Variants in SEM1 observed in about 807,000 individuals in gnomAD.
SEM1 encodes 26S proteasome complex subunit SEM1.
Under a neutral mutation model 12.7 loss-of-function variants are expected in SEM1, and 3 were observed. The ratio of observed to expected loss-of-function variants is 0.24; its 90% CI spans 0.11 to 0.61. The LOEUF (loss-of-function observed/expected upper bound fraction) is 0.61. Ranked by LOEUF, SEM1 falls within the 20% of genes least tolerant of loss-of-function variation. The pLI, the probability that SEM1 is intolerant of heterozygous loss-of-function variation, is 0.88. For synonymous variants in SEM1, 30 were observed against 27.8 expected (o/e 1.08, Z -0.25); for missense variants, 59 against 81.3 (o/e 0.73, Z 1.06).
exon 4 of SEM1, chr7:96,482,718 C>T (rs1050229868): frequency 1.3e-5 from 2 of 152,244 alleles, no homozygotes; most frequent in South Asian, 2.1e-4. Context: ...GGAAGGATTA[C>T]GTTGTTTTCC....
chr7:96,538,948 G>C (rs1804870641), intron 2 of SEM1, among the ~76,000 whole-genome samples: 1 of 151,838 alleles, frequency 6.6e-6, no homozygotes, highest in Non-Finnish European at 1.5e-5. Context: ...TTTTCAATGT[G>C]AGAACCTGCT....
intron 1 of SEM1, among the ~76,000 whole-genome samples, chr7:96,706,848 G>C (rs1315073291): frequency 6.6e-6 from 1 of 152,114 alleles, no homozygotes; most frequent in Non-Finnish European, 1.5e-5. Flanking sequence ...TTGAAAGTAA[G>C]ATCTGTTATA....
chr7:96,680,588 T>C (rs367619766), intron 2 of SEM1, among the ~76,000 whole-genome samples: 10 of 152,084 alleles, frequency 6.6e-5, no homozygotes, highest in African/African-American at 2.4e-4. Context: ...CAGTGAAAAG[T>C]GGCAAGACTT....
intron 2 of SEM1, among the ~76,000 whole-genome samples, chr7:96,667,355 G>A (rs1437617367): frequency 2.0e-5 from 3 of 152,108 alleles, no homozygotes; most frequent in African/African-American, 4.8e-5. Flanking sequence ...TATTCCCTGG[G>A]TAACCACAAG....
chr7:96,628,439 G>C (rs989951999), intron 2 of SEM1, among the ~76,000 whole-genome samples: 7 of 151,940 alleles, frequency 4.6e-5, no homozygotes, highest in African/African-American at 1.7e-4. Flanking sequence ...CGTGAGGCTT[G>C]CAAATAGTAT....
At chr7:96,573,689 G>A (rs1025278035) in intron 2 of SEM1, among the ~76,000 whole-genome samples, 8 of 152,110 alleles carry the variant, frequency 5.3e-5, no homozygotes, top group African/African-American at 1.7e-4. Context: ...CTCTCTGGCT[G>A]CCCTTAACAT....
At chr7:96,520,961 G>A (rs1293071684) in intron 2 of SEM1, among the ~76,000 whole-genome samples, 1 of 152,062 alleles carries the variant, frequency 6.6e-6, no homozygotes, top group Non-Finnish European at 1.5e-5. Flanking sequence ...CTCAAGGTCA[G>A]ACCTTCCCAT....
downstream of SEM1, among the ~76,000 whole-genome samples, chr7:96,670,337 G>A (rs1264825354): frequency 2.6e-5 from 4 of 151,934 alleles, no homozygotes; most frequent in Non-Finnish European, 5.9e-5. Context: ...ACTTAGCTTT[G>A]GGAAAAACAT....
intron 1 of SEM1, among the ~76,000 whole-genome samples, chr7:96,703,972 A>AAAAC (rs544848457): frequency 7.0e-6 from 1 of 142,084 alleles, no homozygotes; most frequent in Non-Finnish European, 1.5e-5. Flanking sequence ...GTCTCTTAAA[A>AAAAC]ACACACACAC....
chr7:96,504,043 G>A (rs1803663926), intron 3 of SEM1, among the ~76,000 whole-genome samples: 1 of 152,042 alleles, frequency 6.6e-6, no homozygotes, highest in Admixed American at 6.6e-5. Flanking sequence ...TAAAAGTTCA[G>A]GAGGAAAGGG....
chr7:96,494,419 T>C (rs917687954), intron 1 of SEM1, among the ~76,000 whole-genome samples: 3 of 151,570 alleles, frequency 2.0e-5, no homozygotes, highest in African/African-American at 7.3e-5. Context: ...AGTAGCTTTT[T>C]GGTCCAGTTA....
At chr7:96,545,177 G>A (rs1166870049) in intron 2 of SEM1, among the ~76,000 whole-genome samples, 1 of 151,932 alleles carries the variant, frequency 6.6e-6, no homozygotes, top group Non-Finnish European at 1.5e-5. Flanking sequence ...CTTTTGTTAT[G>A]ATCCCAAAGA....
chr7:96,627,811 A>G (rs902923672), intron 2 of SEM1, among the ~76,000 whole-genome samples: 5 of 152,038 alleles, frequency 3.3e-5, no homozygotes, highest in African/African-American at 1.2e-4. Context: ...ATTAAGTCCA[A>G]TGTTTCTTTG....
chr7:96,599,795 C>T (rs767388599), intron 2 of SEM1, among the ~76,000 whole-genome samples: 34 of 152,204 alleles, frequency 2.2e-4, no homozygotes, highest in Admixed American at 1.6e-3. Flanking sequence ...CTTCTTTTGA[C>T]TTAAGCCCTG....
At chr7:96,576,028 T>G (rs193186368) in intron 2 of SEM1, among the ~76,000 whole-genome samples, 1 of 152,330 alleles carries the variant, frequency 6.6e-6, no homozygotes, top group Admixed American at 6.5e-5. Flanking sequence ...AGTAGATAAG[T>G]ATTTATGATT....
At chr7:96,659,125 C>A (rs1420812056) in intron 2 of SEM1, among the ~76,000 whole-genome samples, 1 of 151,906 alleles carries the variant, frequency 6.6e-6, no homozygotes, top group Non-Finnish European at 1.5e-5. Context: ...CAGAATTTTC[C>A]AGAATTGAGA....
At chr7:96,533,513 T>C (rs7776689) in intron 2 of SEM1, among the ~76,000 whole-genome samples, 107,887 of 151,928 alleles carry the variant, frequency 0.71, 39,243 homozygotes, top group East Asian at 0.8. Flanking sequence ...ATGGTTACTT[T>C]TTTCTTAGCT....
At chr7:96,537,282 G>T (rs960768036) in intron 2 of SEM1, among the ~76,000 whole-genome samples, 1 of 151,438 alleles carries the variant, frequency 6.6e-6, no homozygotes, top group Non-Finnish European at 1.5e-5. Flanking sequence ...TGTTAGCATT[G>T]TTGCTTTGAA....
At chr7:96,575,861 A>G (rs1041646558) in intron 2 of SEM1, among the ~76,000 whole-genome samples, 1 of 152,214 alleles carries the variant, frequency 6.6e-6, no homozygotes, top group South Asian at 2.1e-4. Context: ...TCTACAAGGA[A>G]CTCAAATAAC....
Sources: allele counts gnomAD v4.1 joint callset (sites outside exome capture counted in the v4.1 genomes callset), GRCh38; gene constraint gnomAD v4.1.1; transcripts MANE v1.5; gene names NCBI Gene and HGNC (gene_info 2026-07-23, HGNC 2026-07-21).